The following BNC2 variants were observed in gnomAD, a reference collection of about 807,000 sequenced individuals.
The protein encoded by BNC2 is zinc finger protein basonuclin-2.
BNC2 carries 20 observed loss-of-function variants against 76.3 expected under a neutral mutation model. The ratio of observed to expected loss-of-function variants is 0.26; its 90% confidence interval spans 0.18 to 0.38. The LOEUF (loss-of-function observed/expected upper bound fraction) is 0.38. Ranked by LOEUF, BNC2 falls within the 10% of genes least tolerant of loss-of-function variation. The pLI, the probability that BNC2 is intolerant of heterozygous loss-of-function variation, is 1.00. For missense variants in BNC2, 1,382 were observed against 1,399.8 expected, an observed-to-expected ratio of 0.99 and a Z score of 0.20; for synonymous variants, 582 against 514.8, an observed-to-expected ratio of 1.13 and a Z score of -1.77.
chr9:16,728,464 A>G (rs1188763367), intron 2 of BNC2, among the ~76,000 whole-genome samples: 1 of 152,158 alleles, frequency 6.6e-6, no homozygotes, highest in Non-Finnish European at 1.5e-5. Context: ...ATTTTTCTCA[A>G]CAATGCTTTC....
chr9:16,437,666 A>G, intron 5 of BNC2, 142 bp from the exon 6 acceptor site: 4 of 1,011,224 alleles, frequency 4.0e-6, no homozygotes, highest in Non-Finnish European at 5.7e-6. Flanking sequence ...CACTGTTAAT[A>G]AAAGTCAACC....
At chr9:16,545,105 T>C (rs889998603) in intron 5 of BNC2, among the ~76,000 whole-genome samples, 3 of 152,192 alleles carry the variant, frequency 2.0e-5, no homozygotes, top group African/African-American at 7.2e-5. Context: ...CTTATTTATA[T>C]CCAAGTACAT....
chr9:16,600,840 A>G (rs1365981279), intron 3 of BNC2, among the ~76,000 whole-genome samples: 2 of 152,200 alleles, frequency 1.3e-5, no homozygotes, highest in Non-Finnish European at 2.9e-5. Context: ...TAGTAACCTG[A>G]GGATCTCTGT....
At chr9:16,733,422 G>A (rs1187469339) in intron 2 of BNC2, among the ~76,000 whole-genome samples, 1 of 152,084 alleles carries the variant, frequency 6.6e-6, no homozygotes, top group Non-Finnish European at 1.5e-5. Flanking sequence ...TAGAAAAGAA[G>A]TAAAACAATA....
At chr9:16,469,023 A>T (rs1214661879) in intron 5 of BNC2, among the ~76,000 whole-genome samples, 4 of 152,198 alleles carry the variant, frequency 2.6e-5, no homozygotes, top group Non-Finnish European at 5.9e-5. Context: ...GGATTTTAAA[A>T]ATTAATTATG....
intron 4 of BNC2, among the ~76,000 whole-genome samples, chr9:16,556,701 G>A (rs1166691158): frequency 6.6e-6 from 1 of 150,872 alleles, no homozygotes; most frequent in Non-Finnish European, 1.5e-5. Flanking sequence ...CTGGGAGGTG[G>A]AGGTTACAAT....
intron 5 of BNC2, among the ~76,000 whole-genome samples, chr9:16,510,179 C>A (rs924659243): frequency 3.9e-5 from 6 of 152,200 alleles, no homozygotes; most frequent in Non-Finnish European, 7.4e-5. Flanking sequence ...CTTAGAGAAG[C>A]TGGCCTCAGT....
At chr9:16,439,391 C>G (rs1821082184) in intron 5 of BNC2, among the ~76,000 whole-genome samples, 1 of 152,096 alleles carries the variant, frequency 6.6e-6, no homozygotes, top group Admixed American at 6.5e-5. Flanking sequence ...AGAATGGTTC[C>G]AGATTAGAGG....
At chr9:16,508,216 GACTT>G (rs1822674203) in intron 5 of BNC2, among the ~76,000 whole-genome samples, 2 of 152,196 alleles carry the variant, frequency 1.3e-5, no homozygotes, top group African/African-American at 4.8e-5. Flanking sequence ...CCTAAAAGGA[GACTT>G]ACTTATTCTG....
intron 5 of BNC2, among the ~76,000 whole-genome samples, chr9:16,449,479 C>T (rs1374302403): frequency 6.6e-6 from 1 of 152,114 alleles, no homozygotes; most frequent in African/African-American, 2.4e-5. Flanking sequence ...CCCCTAATTA[C>T]TGCATAAGTC....
intron 3 of BNC2, among the ~76,000 whole-genome samples, chr9:16,627,084 C>A (rs747086545): frequency 2.0e-5 from 3 of 152,106 alleles, no homozygotes; most frequent in Non-Finnish European, 4.4e-5. Flanking sequence ...CTTTATTTAT[C>A]CTGCAGCCAG....
At chr9:16,759,903 T>C (rs1447361920) in intron 1 of BNC2, among the ~76,000 whole-genome samples, 1 of 152,110 alleles carries the variant, frequency 6.6e-6, no homozygotes. Flanking sequence ...TTTTGTATTT[T>C]CAGTAGAGAC....
chr9:16,800,559 C>T (rs2253972), intron 1 of BNC2, among the ~76,000 whole-genome samples: 13,029 of 149,398 alleles, frequency 0.087, 614 homozygotes, highest in African/African-American at 0.12. Context: ...CACTGGAACT[C>T]TTTTTTTTTT....
intron 4 of BNC2, among the ~76,000 whole-genome samples, chr9:16,558,615 G>C (rs1014830160): frequency 3.9e-5 from 6 of 152,070 alleles, no homozygotes; most frequent in African/African-American, 1.4e-4. Context: ...TACCCTTTGA[G>C]GTACTTTTCT....
intron 3 of BNC2, among the ~76,000 whole-genome samples, chr9:16,603,209 C>T (rs1412460816): frequency 6.6e-6 from 1 of 152,178 alleles, no homozygotes; most frequent in South Asian, 2.1e-4. Flanking sequence ...GAAATGTTCA[C>T]ACACTAGCAG....
rs145492759 is a variant in BNC2 at position 16,525,272 on chromosome 9, T to C, written c.669+27258A>G. ...CAAAACTTAAAAAAAGAAAACCAAC[T>C]ACGCAACAAAAACAAATGAAAAGCA... On this transcript the variant is annotated intron_variant, in intron 5 of 6. Transcript: ENST00000380672. Among the ~76,000 whole-genome samples, 509 of 151,676 alleles carry C rather than the reference T, an allele frequency of 3.4e-3. 3 individuals are homozygous for C. The highest frequency in any genetic ancestry group is 0.012 in the African/African-American group (485 of 41,334).
intron 5 of BNC2, among the ~76,000 whole-genome samples, chr9:16,440,887 A>G (rs992135011): frequency 6.6e-6 from 1 of 152,242 alleles, no homozygotes; most frequent in Admixed American, 6.5e-5. Flanking sequence ...AGCTTTATTT[A>G]TAGTGGTAAT....
chr9:16,685,710 G>A, intron 3 of BNC2: 1 of 957,772 alleles, frequency 1.0e-6, no homozygotes, highest in South Asian at 1.3e-5. Context: ...CAGGCAGAGA[G>A]AGGAAATCCC....
chr9:16,695,347 G>A lies in BNC2; in HGVS notation c.330+32450C>T, dbSNP rs181581673. ...GGTCTTGCTCTGTCACCCAGACTGGGATGCAGTGATGTGCATTTGTGACTC... is the reference window on the plus strand; with the variant it reads ...GGTCTTGCTCTGTCACCCAGACTGGAATGCAGTGATGTGCATTTGTGACTC... On this transcript the variant is annotated intron_variant, in intron 3 of 6. Transcript: ENST00000380672. Among the ~76,000 whole-genome samples the A allele has an allele frequency of 4.0e-3, 611 of 151,772 alleles. 2 individuals carry two copies. Among genetic ancestry groups the A allele is most frequent in the African/African-American group, 0.014 (589 of 41,394 alleles).
Sources: gnomAD v4.1 joint callset for allele counts (sites outside exome capture counted in the v4.1 genomes callset) on GRCh38, gnomAD v4.1.1 for gene constraint, MANE v1.5 for transcripts, NCBI Gene and HGNC (gene_info 2026-07-23, HGNC 2026-07-21) for gene names.